IFT122: variants seen among roughly 807,000 people sequenced by gnomAD.
The protein encoded by IFT122 is intraflagellar transport 122.
In IFT122, 118 loss-of-function variants were observed where a neutral mutation model predicts 161.6. That is an observed-to-expected ratio of 0.73 (90% CI 0.63 to 0.85). IFT122 has a LOEUF of 0.85. Among genes scored for constraint, IFT122 ranks in the 40% least tolerant of loss-of-function variants. The probability of loss-of-function intolerance (pLI) is 0.00; values close to 1 mark genes in which losing one functional copy is unlikely to be tolerated. For missense variants in IFT122, 1,381 were observed against 1,579.6 expected, an observed-to-expected ratio of 0.87 and a Z score of 2.13; for synonymous variants, 550 against 602.4, an observed-to-expected ratio of 0.91 and a Z score of 1.27.
At chr3:129,480,402 A>G (rs1222834178) in intron 13 of IFT122, among the ~76,000 whole-genome samples, 1 of 152,222 alleles carries the variant, frequency 6.6e-6, no homozygotes, top group East Asian at 1.9e-4. Flanking sequence ...TGGGATATCC[A>G]GGTTACACAA....
chr3:129,460,080 A>G lies in IFT122; in HGVS notation c.273-1148A>G, dbSNP rs150137967. 2.1e-3 allele frequency among the ~76,000 whole-genome samples: 325 copies of G among 152,252 alleles called. 2 individuals carry two copies. The highest frequency in any genetic ancestry group is 7.6e-3 in the African/African-American group (316 of 41,542). ...TCAATTGTGGTAAAATATACATGAC[A>G]TAAAATTTATCATATTAACTACTTT... On this transcript the variant is annotated intron_variant, in intron 4 of 29. Coordinates refer to ENST00000348417, the MANE Select transcript of IFT122 (RefSeq NM_052989.3).
chr3:129,444,955 C>CT (rs112696745), intron 1 of IFT122, among the ~76,000 whole-genome samples: 1 of 152,086 alleles, frequency 6.6e-6, no homozygotes, highest in Non-Finnish European at 1.5e-5. Context: ...GTAATAATAC[C>CT]TTTTTTTGAC....
intron 13 of IFT122, chr3:129,481,294 C>T (rs1312261444): frequency 2.0e-6 from 1 of 509,186 alleles, no homozygotes. Context: ...CTCGGCCTGT[C>T]TCAGGGCTGT....
rs1288378032 is a variant in IFT122 at position 129,504,375 on chromosome 3, T to A, written c.2604T>A (p.Tyr868Ter). 1 of 1,614,058 alleles carries A rather than the reference T, an allele frequency of 6.2e-7. No homozygotes were observed. Among genetic ancestry groups the A allele is most frequent in the East Asian group, 2.2e-5 (1 of 44,906 alleles). ...PEFKDDIYMPYAQWLAENDRF... is the reference protein window; with the variant it reads ...PEFKDDIYMP ...TTAAGGATGACATCTACATGCCGTA[T>A]GCTCAGTGGCTAGCAGAGAACGATC... Residue 868 changes from tyrosine (Y) to a stop codon, truncating the protein, a stop_gained, in exon 21 of 30, where the codon TAT becomes TAA. Transcript: ENST00000348417. LOFTEE classifies it high-confidence loss of function.
chr3:129,512,466 C>G (rs1170657317), intron 24 of IFT122, 54 bp downstream of exon 24: 2 of 1,220,918 alleles, frequency 1.6e-6, no homozygotes, highest in Non-Finnish European at 2.4e-6. Context: ...TCTAATGGCC[C>G]CAAGAAATTC....
rs536133756 is a variant in IFT122 at position 129,498,096 on chromosome 3, A to G, written c.2209-1806A>G. Among the ~76,000 whole-genome samples the G allele has an allele frequency of 2.3e-4, 35 of 152,354 alleles. No homozygotes were observed. In the South Asian group the frequency reaches 7.0e-3, roughly 31 times the overall value. ...GGCCAAGTCTTTGCCATGGCCCCAG[A>G]TAATGTGTAACTTAGCTTCAGGAAA... On this transcript the variant is annotated intron_variant, in intron 18 of 29. Transcript: ENST00000348417.
In IFT122 at chr3:129,466,893, A is replaced by G. The variant is rs775245806; in HGVS notation, c.567A>G (p.Arg189=). The change falls in exon 8 of 30, where the codon CGA becomes CGG. Residue 189 remains arginine, a synonymous_variant. Transcript: ENST00000348417. ...IWSICWNPSS[R]WESFWMNREN... ...AACAACTACTTACTGTCTACAGCCG[A>G]TGGGAGAGTTTCTGGATGAACAGAG... is the stretch of plus-strand genomic sequence containing the variant. 3.7e-6 allele frequency: 6 copies of G among 1,613,822 alleles called. No individual in the cohort carries two copies. In the East Asian group the frequency reaches 1.3e-4, roughly 36 times the overall value.
intron 1 of IFT122, among the ~76,000 whole-genome samples, chr3:129,446,478 G>C (rs1312578537): frequency 6.6e-6 from 1 of 152,126 alleles, no homozygotes; most frequent in Non-Finnish European, 1.5e-5. Context: ...GCCTCCCAAA[G>C]TGCTGGGATT....
At position 129,468,624 on chromosome 3, in the gene IFT122, G is replaced by A. The variant is rs567658968; in HGVS notation, c.741-718G>A. ...CTCCCAAAGTGCTGGAATTACAAGC[G>A]TGAGCCATCACGGGCTGCCGCTTTT... On this transcript the variant is annotated intron_variant, in intron 8 of 29. Transcript: ENST00000348417. Among the ~76,000 whole-genome samples the A allele has an allele frequency of 3.9e-5, 6 of 152,316 alleles. No homozygotes were observed. The South Asian group carries it at 8.3e-4, about 21-fold the overall frequency.
At chr3:129,489,382 T>C (rs1021409397) in intron 16 of IFT122, among the ~76,000 whole-genome samples, 7 of 152,192 alleles carry the variant, frequency 4.6e-5, no homozygotes, top group Admixed American at 2.0e-4. Context: ...GCTGCAGTCA[T>C]GAGGCTTAAC....
chr3:129,517,407 G>A lies in IFT122; in HGVS notation c.3266-62G>A. 4 of 1,602,880 alleles carry A rather than the reference G, an allele frequency of 2.5e-6. No individual in the cohort carries two copies. The South Asian group carries it at 4.4e-5, about 18-fold the overall frequency. ...AAGCAACTCTGTGGTCACCCCACCT[G>A]CCTGGCGGCAAGTCCTTTGCAAGGC... is the stretch of plus-strand genomic sequence containing the variant. On this transcript the variant is annotated intron_variant, in intron 26 of 29. Transcript: ENST00000348417.
chr3:129,493,989 C>T (rs2080492999), intron 17 of IFT122, among the ~76,000 whole-genome samples: 1 of 152,242 alleles, frequency 6.6e-6, no homozygotes, highest in African/African-American at 2.4e-5. Context: ...TATTTGCACA[C>T]ATCTGGGTGC....
intron 4 of IFT122, among the ~76,000 whole-genome samples, chr3:129,459,609 TTTCCTTCCTTCC>T (rs57673836): frequency 7.8e-6 from 1 of 127,594 alleles, no homozygotes; most frequent in Admixed American, 7.7e-5. Context: ...TCCTTCCTTC[TTTCCTTCCTTCC>T]TTCCTTCCTT....
chr3:129,480,014 G>A lies in IFT122; in HGVS notation c.1488+92G>A, dbSNP rs1266477965. 4.1e-6 allele frequency: 6 copies of A among 1,479,786 alleles called. No individual in the cohort carries two copies. The South Asian group carries it at 6.9e-5, about 17-fold the overall frequency. The allele number at this position is 1,479,786 out of a possible 1,614,324, so 91.7% of individuals were successfully genotyped here. A position where few individuals can be genotyped will look rare whatever the true frequency, so the allele number is the denominator to read the frequency against. On this transcript the variant is annotated intron_variant, in intron 13 of 29. Transcript: ENST00000348417. ...CAATGACTCTGAGCTGGGTTCTCAG[G>A]GCAGGAAAAGGGCTTCTCTCCTCCA...
chr3:129,470,046 G>A (rs1179950752), intron 9 of IFT122, among the ~76,000 whole-genome samples: 1 of 152,058 alleles, frequency 6.6e-6, no homozygotes, highest in East Asian at 1.9e-4. Context: ...GGTTATCTTT[G>A]AGCAGGCCAT....
intron 2 of IFT122, 58 bp from the exon 3 acceptor site, chr3:129,451,856 G>T (rs2074898970): frequency 7.2e-7 from 1 of 1,395,894 alleles, no homozygotes; most frequent in African/African-American, 1.4e-5. Context: ...TAGCAACCCT[G>T]CAGGAATTCT....
chr3:129,446,030 G>A (rs2073945654), intron 1 of IFT122, among the ~76,000 whole-genome samples: 2 of 152,080 alleles, frequency 1.3e-5, no homozygotes, highest in African/African-American at 4.8e-5. Context: ...GCCATGATGG[G>A]AAATGGGGGT....
In IFT122 at chr3:129,504,394, A is replaced by G. The variant is rs761897725; in HGVS notation, c.2623A>G (p.Asn875Asp). The change falls in exon 21 of 30, where the codon AAC (asparagine) becomes GAC (aspartate). Residue 875 changes from asparagine (N) to aspartate (D), a missense_variant. Around this residue, in one of 7 missense-constraint regions of IFT122, gnomAD observed 496 missense variants for 502.5 expected, o/e 0.99. Transcript: ENST00000348417. ...GCCGTATGCTCAGTGGCTAGCAGAG[A>G]ACGATCGCTTTGAGGAAGCCCAGAA... ...YMPYAQWLAE[N>D]DRFEEAQKAF... is the part of the protein sequence containing the mutation. 6.2e-7 allele frequency: 1 copy of G among 1,614,034 alleles called. No homozygotes were observed. Among genetic ancestry groups the G allele is most frequent in the Non-Finnish European group, 8.5e-7 (1 of 1,179,928 alleles).
intron 1 of IFT122, among the ~76,000 whole-genome samples, chr3:129,448,431 G>A (rs1388651897): frequency 6.6e-6 from 1 of 152,166 alleles, no homozygotes. Context: ...CATAACTTTC[G>A]AAAAACTGGT....
Sources: gnomAD v4.1 joint callset for allele counts (sites outside exome capture counted in the v4.1 genomes callset) on GRCh38, gnomAD v4.1.1 for gene constraint, gnomAD v4.1.1 regional missense constraint, MANE v1.5 for transcripts, NCBI Gene and HGNC (gene_info 2026-07-23, HGNC 2026-07-21) for gene names.